EHD4: variants seen among roughly 807,000 people sequenced by gnomAD.
EHD4 encodes EH domain containing 4.
In EHD4, 37 loss-of-function variants were observed where a neutral mutation model predicts 51.0. The observed-to-expected ratio is 0.73, with a 90% CI of 0.56 to 0.95. The LOEUF (loss-of-function observed/expected upper bound fraction) is 0.95, where lower values mean the gene tolerates loss of function less well. Ranked by LOEUF, EHD4 falls within the 40% of genes least tolerant of loss-of-function variation. The pLI is 0.00. For synonymous variants in EHD4, 297 were observed against 317.3 expected (o/e 0.94, Z 0.68); for missense variants, 632 against 733.1 (o/e 0.86, Z 1.59).
At chr15:41,936,389 T>C (rs2067731992) in intron 3 of EHD4, among the ~76,000 whole-genome samples, 1 of 152,216 alleles carries the variant, frequency 6.6e-6, no homozygotes. Context: ...ACAGAGCTTT[T>C]GTGAGGAGCA....
Position 41,900,284 on chromosome 15 carries a change from A to C in EHD4, c.*361T>G, listed in dbSNP as rs937811831. On this transcript the variant is annotated 3_prime_UTR_variant, in exon 6 of 6. Coordinates refer to ENST00000220325, the MANE Select transcript of EHD4 (RefSeq NM_139265.4). The surrounding 1 kb of genome is among the most constrained non-coding windows in gnomAD (Gnocchi z 4.8). ...AGGACAAAAAGCCCAGGCAGCCTGG[A>C]GACCCAGCTGCTCTGGGTGAGCCTT... 8.2e-6 allele frequency: 2 copies of C among 242,474 alleles called. No homozygotes were observed. The highest frequency in any genetic ancestry group is 7.9e-6 in the Non-Finnish European group (1 of 126,458). 15.0% of individuals were successfully genotyped at this position (242,474 alleles called of 1,614,324 possible).
rs543947448 is a variant in EHD4 at position 41,900,314 on chromosome 15, C to T, written c.*331G>A. On this transcript the variant is annotated 3_prime_UTR_variant, in exon 6 of 6. Coordinates refer to ENST00000220325, the MANE Select transcript of EHD4 (RefSeq NM_139265.4). This position sits in a 1 kb window ranked among gnomAD's most constrained non-coding sequence, Gnocchi z 4.8. ...CAGCTGCTCTGGGTGAGCCTTAGCT[C>T]ACTTCCTGTGGTTCCTGGGACTTAC... is the stretch of plus-strand genomic sequence containing the variant. 1 of 316,540 alleles carries T rather than the reference C, an allele frequency of 3.2e-6. No homozygotes were observed. Among genetic ancestry groups the T allele is most frequent in the Admixed American group, 4.6e-5 (1 of 21,908 alleles). 19.6% of individuals were successfully genotyped at this position (316,540 alleles called of 1,614,324 possible).
intron 2 of EHD4, among the ~76,000 whole-genome samples, chr15:41,950,899 C>A (rs891852708): frequency 6.6e-6 from 1 of 152,180 alleles, no homozygotes. Context: ...GTGTTATCAA[C>A]GCCAAAAGAA....
chr15:41,934,315 T>G (rs1401104277), intron 3 of EHD4, among the ~76,000 whole-genome samples: 1 of 151,342 alleles, frequency 6.6e-6, no homozygotes, highest in Non-Finnish European at 1.5e-5. Context: ...GGAAGTTTTT[T>G]TTTTTTTTTT....
At chr15:41,925,930 C>T (rs2067657599) in intron 3 of EHD4, among the ~76,000 whole-genome samples, 1 of 152,160 alleles carries the variant, frequency 6.6e-6, no homozygotes, top group African/African-American at 2.4e-5. Flanking sequence ...ACAGTTGCTC[C>T]CTGGCTCAGG....
At position 41,972,331 on chromosome 15, in the gene EHD4, T is replaced by G. The variant is rs2068003360; in HGVS notation, c.164A>C (p.Asp55Ala). ...CATGGGCTTGTTCTCGAAGTCGGCG[T>G]CCTCCAGCGCAGGCGAGTGGAACTC... ...FHEFHSPALE[D>A]ADFENKPMIL... Residue 55 changes from aspartate to alanine, a missense_variant, in exon 1 of 6, where the codon GAC (aspartate) becomes GCC (alanine). Transcript: ENST00000220325. The G allele has an allele frequency of 6.2e-7, 1 of 1,611,042 alleles. No individual in the cohort carries two copies. Among genetic ancestry groups the G allele is most frequent in the African/African-American group, 1.3e-5 (1 of 74,504 alleles).
chr15:41,960,524 C>T (rs772175580), intron 1 of EHD4, among the ~76,000 whole-genome samples: 10 of 152,064 alleles, frequency 6.6e-5, no homozygotes, highest in African/African-American at 9.7e-5. Context: ...TTTATTTTGT[C>T]ATTTCCTGTT....
intron 2 of EHD4, among the ~76,000 whole-genome samples, chr15:41,947,668 C>T (rs902571649): frequency 1.3e-5 from 2 of 152,196 alleles, no homozygotes; most frequent in Non-Finnish European, 2.9e-5. Flanking sequence ...AATGGCTAAT[C>T]TTATCTTCCA....
chr15:41,946,259 T>C (rs563934591), intron 2 of EHD4, among the ~76,000 whole-genome samples: 148 of 152,136 alleles, frequency 9.7e-4, no homozygotes, highest in African/African-American at 3.5e-3. Flanking sequence ...ACCTGATAAA[T>C]GTTGTCTTCT....
chr15:41,913,571 T>G (rs1370224069), intron 4 of EHD4, among the ~76,000 whole-genome samples: 1 of 152,178 alleles, frequency 6.6e-6, no homozygotes, highest in Non-Finnish European at 1.5e-5. Context: ...ACAGAGTTAT[T>G]ATGAGAATAA....
chr15:41,962,742 G>A (rs1450658117), intron 1 of EHD4, among the ~76,000 whole-genome samples: 1 of 152,026 alleles, frequency 6.6e-6, no homozygotes, highest in African/African-American at 2.4e-5. Context: ...CAGCCACCCT[G>A]TCTGGGAAGT....
At chr15:41,948,906 G>A (rs928683807) in intron 2 of EHD4, among the ~76,000 whole-genome samples, 27 of 151,614 alleles carry the variant, frequency 1.8e-4, no homozygotes, top group Non-Finnish European at 4.4e-5. Flanking sequence ...ACACACGCCT[G>A]TCGTCCCAGC....
chr15:41,914,547 G>A lies in EHD4; in HGVS notation c.924+4663C>T, dbSNP rs150163322. 3.1e-3 allele frequency among the ~76,000 whole-genome samples: 474 copies of A among 152,244 alleles called. 1 individual carries two copies. The highest frequency in any genetic ancestry group is 0.014 in the Middle Eastern group (4 of 294). Reference sequence around the variant, plus strand: ...TTCCGTGCAGCCTTAAAGGGGACCGGAGGGGGCTGCACACTTGTCTGAGGT... The same window carrying A: ...TTCCGTGCAGCCTTAAAGGGGACCGAAGGGGGCTGCACACTTGTCTGAGGT... On this transcript the variant is annotated intron_variant, in intron 4 of 5. Transcript: ENST00000220325.
At chr15:41,967,860 C>A (rs903207598) in intron 1 of EHD4, among the ~76,000 whole-genome samples, 4 of 152,346 alleles carry the variant, frequency 2.6e-5, no homozygotes, top group South Asian at 2.1e-4. Flanking sequence ...AAATACAGTT[C>A]TTTGAGCAGA....
intron 3 of EHD4, among the ~76,000 whole-genome samples, chr15:41,927,465 G>A (rs766793607): frequency 2.6e-5 from 4 of 152,138 alleles, no homozygotes; most frequent in Admixed American, 1.3e-4. Context: ...GTGAATGAAC[G>A]GATAGAGAAA....
intron 4 of EHD4, among the ~76,000 whole-genome samples, chr15:41,918,465 T>C (rs2067600580): frequency 6.6e-6 from 1 of 152,260 alleles, no homozygotes; most frequent in Non-Finnish European, 1.5e-5. Context: ...TTTTTTTCTC[T>C]GTATTTTCTC....
intron 1 of EHD4, among the ~76,000 whole-genome samples, chr15:41,966,590 C>T (rs2067963209): frequency 1.3e-5 from 2 of 152,126 alleles, no homozygotes; most frequent in Admixed American, 1.3e-4. Context: ...GCTGCTGAGC[C>T]AGCAGAATTC....
At chr15:41,911,058 C>T (rs1445718996) in intron 4 of EHD4, among the ~76,000 whole-genome samples, 1 of 152,210 alleles carries the variant, frequency 6.6e-6, no homozygotes, top group Non-Finnish European at 1.5e-5. Context: ...TAAGCAGATA[C>T]ATTCCATAGC....
chr15:41,943,474 A>C (rs547437848), intron 2 of EHD4, among the ~76,000 whole-genome samples: 2 of 152,334 alleles, frequency 1.3e-5, no homozygotes, highest in Admixed American at 1.3e-4. Flanking sequence ...ACATTTATTG[A>C]ACATGCAGGT....
Sources: allele counts gnomAD v4.1 joint callset (sites outside exome capture counted in the v4.1 genomes callset), GRCh38; gene constraint gnomAD v4.1.1; non-coding constraint Gnocchi (gnomAD v3.1); transcripts MANE v1.5; gene names NCBI Gene and HGNC (gene_info 2026-07-23, HGNC 2026-07-21).